The following AFMID variants were observed in gnomAD, a reference collection of about 807,000 sequenced individuals.
AFMID encodes the protein arylformamidase.
Under a neutral mutation model 47.5 loss-of-function variants are expected in AFMID, and 39 were observed. The observed-to-expected ratio is 0.82, with a 90% CI of 0.64 to 1.07. The LOEUF (loss-of-function observed/expected upper bound fraction) is 1.07, where lower values mean the gene tolerates loss of function less well. Ranked by LOEUF, AFMID falls within the 50% of genes least tolerant of loss-of-function variation. The probability of loss-of-function intolerance (pLI) is 0.00; values close to 1 mark genes in which losing one functional copy is unlikely to be tolerated. For missense variants in AFMID, 375 were observed against 387.5 expected (o/e 0.97, Z 0.27); for synonymous variants, 130 against 153.2 (o/e 0.85, Z 1.12).
chr17:78,198,458 A>G (rs2145863668), intron 2 of AFMID, among the ~76,000 whole-genome samples: 1 of 151,462 alleles, frequency 6.6e-6, no homozygotes, highest in Non-Finnish European at 1.5e-5. Flanking sequence ...AAAAAAAAAA[A>G]TTAGCCATGC....
At chr17:78,203,053 CTCTTT>C in intron 4 of AFMID, 2 of 246,150 alleles carry the variant, frequency 8.1e-6, no homozygotes, top group Non-Finnish European at 1.5e-5. Context: ...ATCTTCCTCT[CTCTTT>C]TTTTTTTTTT....
chr17:78,206,189 AT>A lies in AFMID; in HGVS notation c.885+141del, dbSNP rs1488056809. ...CGTGTCTACTAAAAATACAAAACAA[AT>A]TAGCCAGATGTGATGGTACGTGCCT... On this transcript the variant is annotated intron_variant, in intron 10 of 10. Coordinates refer to ENST00000409257, the MANE Select transcript of AFMID (RefSeq NM_001010982.5). 1.9e-5 allele frequency: 13 copies of A among 682,738 alleles called. No individual in the cohort carries two copies. The African/African-American group carries it at 2.0e-4, about 10-fold the overall frequency. 42.3% of individuals were successfully genotyped at this position (682,738 alleles called of 1,614,324 possible). A position where few individuals can be genotyped will look rare whatever the true frequency, so the allele number is the denominator to read the frequency against.
chr17:78,202,587 C>A lies in AFMID; in HGVS notation c.243C>A (p.Pro81=), dbSNP rs746480044. Residue 81 remains proline (P), a synonymous_variant, in exon 3 of 11, where the codon CCC becomes CCA. Transcript: ENST00000409257. ...GGGAGAAAGTGGACATTTACTTCCC[C>A]GACGAGTCGTCTGAAGGTTGTCGGT... ...GEGEKVDIYF[P]DESSEALPFF... is the part of the protein sequence containing the mutation. 4.3e-6 allele frequency: 7 copies of A among 1,613,886 alleles called. No individual in the cohort carries two copies. The highest frequency in any genetic ancestry group is 5.9e-6 in the Non-Finnish European group (7 of 1,180,018).
intron 2 of AFMID, among the ~76,000 whole-genome samples, chr17:78,195,049 C>T (rs1349069039): frequency 6.6e-6 from 1 of 151,944 alleles, no homozygotes; most frequent in African/African-American, 2.4e-5. Flanking sequence ...TATCCAGATA[C>T]AAAAGTTCAA....
At position 78,207,033 on chromosome 17, in the gene AFMID, C is replaced by T. The variant is rs1274319345; in HGVS notation, c.*96C>T. 4 of 1,331,358 alleles carry T rather than the reference C, an allele frequency of 3.0e-6. No homozygotes were observed. The highest frequency in any genetic ancestry group is 4.3e-6 in the Non-Finnish European group (4 of 923,694). The allele number at this position is 1,331,358 out of a possible 1,614,324, so 82.5% of individuals were successfully genotyped here. Reference sequence around the variant, plus strand: ...CTGACACTGACAGCTTCAGTTTCCCCCAGCACCCAGGAGAGCCTTGCTGTG... The same window carrying T: ...CTGACACTGACAGCTTCAGTTTCCCTCAGCACCCAGGAGAGCCTTGCTGTG... On this transcript the variant is annotated 3_prime_UTR_variant, in exon 11 of 11. Coordinates refer to ENST00000409257, the MANE Select transcript of AFMID (RefSeq NM_001010982.5).
At chr17:78,202,839 G>A in intron 4 of AFMID, 88 bp downstream of exon 4, 4 of 1,468,990 alleles carry the variant, frequency 2.7e-6, no homozygotes, top group East Asian at 4.9e-5. Context: ...CAACCAAACT[G>A]CCACAAGCTG....
intron 10 of AFMID, 85 bp downstream of exon 10, chr17:78,206,135 A>G: frequency 8.4e-7 from 1 of 1,187,930 alleles, no homozygotes; most frequent in Non-Finnish European, 1.2e-6. Flanking sequence ...CAGGAGTTCA[A>G]GACCAGCCTG....
Position 78,202,531 on chromosome 17 carries a change from C to T in AFMID, c.187C>T (p.Leu63=). ...AAGGGCCCGGGCCACCAGGAAGAGC[C>T]TGCTGCATGTCCCCTATGGAGACGG... ...TTRARATRKS[L]LHVPYGDGEG... The change falls in exon 3 of 11, where the codon CTG becomes TTG. Residue 63 remains leucine (L), a synonymous_variant. Coordinates refer to ENST00000409257, the MANE Select transcript of AFMID (RefSeq NM_001010982.5). 1 of 1,614,136 alleles carries T rather than the reference C, an allele frequency of 6.2e-7. No homozygotes were observed. Among genetic ancestry groups the T allele is most frequent in the Non-Finnish European group, 8.5e-7 (1 of 1,180,034 alleles).
In AFMID at chr17:78,207,250, G is replaced by C; in HGVS notation, c.*313G>C. 1 of 314,196 alleles carries C rather than the reference G, an allele frequency of 3.2e-6. No homozygotes were observed. The highest frequency in any genetic ancestry group is 5.6e-6 in the Non-Finnish European group (1 of 178,302). 19.5% of individuals were successfully genotyped at this position (314,196 alleles called of 1,614,324 possible). A position where few individuals can be genotyped will look rare whatever the true frequency, so the allele number is the denominator to read the frequency against. On this transcript the variant is annotated 3_prime_UTR_variant, in exon 11 of 11. Transcript: ENST00000409257. ...GCTGACAGAGCATGACAAAGATGAC[G>C]CTCAAAAGTAATGCCATTACTTCTT...
At chr17:78,197,217 T>C in intron 2 of AFMID, 2 of 1,550,590 alleles carry the variant, frequency 1.3e-6, no homozygotes, top group Non-Finnish European at 1.7e-6. Context: ...GTGAGGCACA[T>C]TGTCTTCACA....
At chr17:78,187,549 A>G in intron 1 of AFMID, 116 bp downstream of exon 1, 2 of 1,148,266 alleles carry the variant, frequency 1.7e-6, no homozygotes, top group East Asian at 2.4e-5. Flanking sequence ...GGGCATGCAG[A>G]GCGCCTAGTG....
intron 2 of AFMID, among the ~76,000 whole-genome samples, chr17:78,192,199 T>C (rs767049449): frequency 1.4e-5 from 2 of 147,384 alleles, no homozygotes; most frequent in African/African-American, 2.5e-5. Flanking sequence ...TTAGTAGAGA[T>C]ATGGTTTCTC....
intron 2 of AFMID, among the ~76,000 whole-genome samples, chr17:78,196,922 G>T (rs145476001): frequency 7.5e-4 from 114 of 152,204 alleles, no homozygotes; most frequent in African/African-American, 2.7e-3. Flanking sequence ...TCTGTGGGGG[G>T]CATGAGTCAC....
intron 2 of AFMID, among the ~76,000 whole-genome samples, chr17:78,201,437 A>T (rs970402418): frequency 2.6e-5 from 4 of 152,016 alleles, no homozygotes; most frequent in Non-Finnish European, 5.9e-5. Context: ...TCGCCAATAC[A>T]GTGAAACCCC....
intron 1 of AFMID, among the ~76,000 whole-genome samples, chr17:78,188,445 A>T (rs777586465): frequency 3.3e-5 from 5 of 152,150 alleles, no homozygotes; most frequent in Admixed American, 6.5e-5. Context: ...TTTGAGACAC[A>T]GTCTCGCTCA....
At chr17:78,202,828 G>A (rs555701435) in intron 4 of AFMID, 77 bp downstream of exon 4, 125 of 1,509,646 alleles carry the variant, frequency 8.3e-5, no homozygotes, top group Non-Finnish European at 1.0e-4. Context: ...CAGGGCTGCC[G>A]CAACCAAACT....
intron 2 of AFMID, among the ~76,000 whole-genome samples, 158 bp downstream of exon 2, chr17:78,191,218 G>C: frequency 6.6e-6 from 1 of 152,286 alleles, no homozygotes; most frequent in South Asian, 2.1e-4. Context: ...CTCAGGGGCA[G>C]GTGCCCAGGA....
chr17:78,205,401 C>T (rs771312784), intron 7 of AFMID, 39 bp from the exon 8 acceptor site: 3 of 1,608,562 alleles, frequency 1.9e-6, no homozygotes, highest in Non-Finnish European at 2.6e-6. Context: ...CCTTGCTCCG[C>T]CTGGAGCCTG....
intron 2 of AFMID, among the ~76,000 whole-genome samples, chr17:78,191,797 C>T (rs572854744): frequency 6.6e-6 from 1 of 151,458 alleles, no homozygotes; most frequent in Non-Finnish European, 1.5e-5. Context: ...TCAAGCGATT[C>T]TCCTGACTCA....
Sources: allele counts gnomAD v4.1 joint callset (sites outside exome capture counted in the v4.1 genomes callset), GRCh38; gene constraint gnomAD v4.1.1; transcripts MANE v1.5; gene names NCBI Gene and HGNC (gene_info 2026-07-23, HGNC 2026-07-21).